The following LMO7 variants were observed in gnomAD, a reference collection of about 807,000 sequenced individuals.
LMO7 encodes the protein LIM domain 7.
In LMO7, 120 loss-of-function variants were observed where a neutral mutation model predicts 206.5. That is an observed-to-expected ratio of 0.58 (90% CI 0.50 to 0.68). The LOEUF (loss-of-function observed/expected upper bound fraction) is 0.68, where lower values mean the gene tolerates loss of function less well. Ranked by LOEUF, LMO7 falls within the 30% of genes least tolerant of loss-of-function variation. LMO7 has a pLI of 0.00. For missense variants in LMO7, 1,959 were observed against 1,957.9 expected (o/e 1.00, Z -0.01); for synonymous variants, 706 against 681.5 (o/e 1.04, Z -0.56).
intron 3 of LMO7, among the ~76,000 whole-genome samples, chr13:75,751,248 C>T (rs2047254072): frequency 6.7e-6 from 1 of 148,668 alleles, no homozygotes; most frequent in Non-Finnish European, 1.5e-5. Context: ...GCAAGCTCCA[C>T]CTCCCAGGTT....
intron 5 of LMO7, 30 bp downstream of exon 5, chr13:75,795,461 A>G (rs374448339): frequency 2.6e-6 from 4 of 1,517,506 alleles, no homozygotes; most frequent in South Asian, 2.3e-5. Context: ...ATGGAGCATT[A>G]TAAGTGGCTT....
intron 17 of LMO7, 149 bp from the exon 18 acceptor site, chr13:75,835,084 A>G (rs2059010365): frequency 1.1e-6 from 1 of 936,766 alleles, no homozygotes; most frequent in Admixed American, 3.9e-5. Flanking sequence ...ATATATGTGC[A>G]TTCAATGACT....
At chr13:75,718,878 T>C (rs1431824142) in intron 2 of LMO7, among the ~76,000 whole-genome samples, 1 of 152,206 alleles carries the variant, frequency 6.6e-6, no homozygotes, top group Admixed American at 6.5e-5. Flanking sequence ...TGTCACATAG[T>C]TGGACTCATA....
chr13:75,851,880 G>A (rs1286762766), intron 27 of LMO7, among the ~76,000 whole-genome samples: 2 of 152,034 alleles, frequency 1.3e-5, no homozygotes, highest in Admixed American at 1.3e-4. Flanking sequence ...GCATGGTCTG[G>A]GTTGTTTTAG....
At chr13:75,782,983 G>T (rs191964984) in intron 4 of LMO7, among the ~76,000 whole-genome samples, 1 of 152,206 alleles carries the variant, frequency 6.6e-6, no homozygotes, top group African/African-American at 2.4e-5. Context: ...TTGGTGGGGA[G>T]TGGGGTCATT....
At chr13:75,793,976 G>A (rs966734428) in intron 4 of LMO7, among the ~76,000 whole-genome samples, 4 of 152,138 alleles carry the variant, frequency 2.6e-5, no homozygotes, top group Admixed American at 6.5e-5. Context: ...GGTTGAACTT[G>A]TGGTTGAATA....
At chr13:75,681,973 C>T (rs564496426) in intron 1 of LMO7, among the ~76,000 whole-genome samples, 32 of 151,768 alleles carry the variant, frequency 2.1e-4, no homozygotes, top group African/African-American at 7.0e-4. Flanking sequence ...ATTCATCCTA[C>T]GGTTTTTATT....
chr13:75,639,523 G>A (rs1026187788), intron 1 of LMO7, among the ~76,000 whole-genome samples: 2 of 152,208 alleles, frequency 1.3e-5, no homozygotes, highest in African/African-American at 4.8e-5. Context: ...AAAGGCAGAG[G>A]AGAAGCTTGA....
At chr13:75,675,873 C>CCTCCTCCTTGTAAAAT (rs1566298755) in intron 1 of LMO7, among the ~76,000 whole-genome samples, 5 of 146,356 alleles carry the variant, frequency 3.4e-5, no homozygotes, top group Non-Finnish European at 7.5e-5. Flanking sequence ...CCTTGTAAAA[C>CCTCCTCCTTGTAAAAT]GCGTGCACGA....
Position 75,731,328 on chromosome 13 carries a change from A to G in LMO7, c.210+4230A>G, listed in dbSNP as rs1443055071. ...CTGGGTGCTCCTGTATTGGGTGCAT[A>G]TATATTTAGGATAGTTAGCTCTTCT... On this transcript the variant is annotated intron_variant, in intron 3 of 30. Coordinates refer to ENST00000377534, the MANE Select transcript of LMO7 (RefSeq NM_001306080.2). Among the ~76,000 whole-genome samples the G allele has an allele frequency of 3.3e-5, 5 of 152,192 alleles. No individual in the cohort carries two copies. In the East Asian group the frequency reaches 5.8e-4, roughly 18 times the overall value.
chr13:75,765,641 T>A (rs183171469), intron 4 of LMO7, among the ~76,000 whole-genome samples: 17 of 152,224 alleles, frequency 1.1e-4, no homozygotes, highest in African/African-American at 3.8e-4. Flanking sequence ...GGCAAAAATG[T>A]ATGGTCAAAT....
chr13:75,856,563 A>G lies in LMO7; in HGVS notation c.4828A>G (p.Arg1610Gly), dbSNP rs1302216095. 6.2e-7 allele frequency: 1 copy of G among 1,612,682 alleles called. No homozygotes were observed. Among genetic ancestry groups the G allele is most frequent in the Non-Finnish European group, 8.5e-7 (1 of 1,178,804 alleles). Reference sequence around the variant, plus strand: ...TTCCTCAGGAGCTGAAGTCAGGATCAGAAACCACCAACTGTACTGCAACGA... The same window carrying G: ...TTCCTCAGGAGCTGAAGTCAGGATCGGAAACCACCAACTGTACTGCAACGA... Reference protein sequence around the residue: ...GSSSGAEVRIRNHQLYCNDCY... With the variant: ...GSSSGAEVRIGNHQLYCNDCY... The change falls in exon 30 of 31, where the codon AGA (arginine) becomes GGA (glycine). Residue 1610 changes from arginine (R) to glycine (G), a missense_variant. Arg to Gly is a moderately radical substitution (Grantham distance 125). Transcript: ENST00000377534.
At chr13:75,707,254 ATATT>A (rs1322466409) in intron 1 of LMO7, among the ~76,000 whole-genome samples, 1 of 151,978 alleles carries the variant, frequency 6.6e-6, no homozygotes, top group African/African-American at 2.4e-5. Flanking sequence ...TACTGTTAGT[ATATT>A]TATTCCATGT....
chr13:75,627,592 TAAAC>T (rs1442612030), intron 2 of LMO7: 2 of 102,954 alleles, frequency 1.9e-5, no homozygotes, highest in African/African-American at 3.4e-5. Context: ...TACCAAAACA[TAAAC>T]AAACACACAC....
chr13:75,649,099 G>A (rs2037318181), intron 1 of LMO7, among the ~76,000 whole-genome samples: 1 of 152,194 alleles, frequency 6.6e-6, no homozygotes, highest in Non-Finnish European at 1.5e-5. Context: ...TCTGTGGGCA[G>A]GACAGTGAAG....
chr13:75,757,254 A>G (rs1390980309), intron 3 of LMO7, among the ~76,000 whole-genome samples: 1 of 152,214 alleles, frequency 6.6e-6, no homozygotes, highest in Non-Finnish European at 1.5e-5. Flanking sequence ...GCTCCAGGAA[A>G]GCCTTGGGAT....
intron 27 of LMO7, among the ~76,000 whole-genome samples, chr13:75,850,310 TC>T (rs1401468763): frequency 6.6e-6 from 1 of 152,234 alleles, no homozygotes; most frequent in Non-Finnish European, 1.5e-5. Flanking sequence ...AGTTCTTCTT[TC>T]CACTTGGTTG....
chr13:75,814,277 C>T (rs2056758013), intron 11 of LMO7, among the ~76,000 whole-genome samples: 1 of 152,180 alleles, frequency 6.6e-6, no homozygotes. Context: ...AAACCTACCT[C>T]ATTCTTACCG....
At chr13:75,792,870 G>T (rs1227356463) in intron 4 of LMO7, among the ~76,000 whole-genome samples, 1 of 152,186 alleles carries the variant, frequency 6.6e-6, no homozygotes, top group Non-Finnish European at 1.5e-5. Context: ...TGAGTAAAAG[G>T]TAATAATGCG....
Sources: allele counts gnomAD v4.1 joint callset (sites outside exome capture counted in the v4.1 genomes callset), GRCh38; gene constraint gnomAD v4.1.1; transcripts MANE v1.5; gene names NCBI Gene and HGNC (gene_info 2026-07-23, HGNC 2026-07-21).